Variants in SCAPER observed in about 807,000 individuals in gnomAD.
The protein encoded by SCAPER is S-phase cyclin A associated protein in the ER.
Under a neutral mutation model 182.2 loss-of-function variants are expected in SCAPER, and 98 were observed. The ratio of observed to expected loss-of-function variants is 0.54; its 90% CI spans 0.46 to 0.64. The LOEUF (loss-of-function observed/expected upper bound fraction) is 0.64, where lower values mean the gene tolerates loss of function less well. Ranked by LOEUF, SCAPER falls within the 30% of genes least tolerant of loss-of-function variation. The pLI, the probability that SCAPER is intolerant of heterozygous loss-of-function variation, is 0.00. For missense variants in SCAPER, 1,432 were observed against 1,690.0 expected (o/e 0.85, Z 2.68); for synonymous variants, 605 against 564.6 (o/e 1.07, Z -1.01).
chr15:76,895,332 C>G (rs1389903048), intron 1 of SCAPER, among the ~76,000 whole-genome samples: 2 of 152,048 alleles, frequency 1.3e-5, no homozygotes, highest in Admixed American at 1.3e-4. Context: ...ATTCAACACC[C>G]TTTCAAGATA....
At chr15:76,497,124 T>TTTTTTTTTTTTTTTTTC (rs1555456895) in intron 24 of SCAPER, among the ~76,000 whole-genome samples, 1 of 139,426 alleles carries the variant, frequency 7.2e-6, no homozygotes, top group Non-Finnish European at 1.5e-5. Flanking sequence ...TTTTTTTTTT[T>TTTTTTTTTTTTTTTTTC]CCCAAAACGG....
At chr15:76,544,338 G>T (rs548601344) in intron 23 of SCAPER, among the ~76,000 whole-genome samples, 10 of 152,220 alleles carry the variant, frequency 6.6e-5, no homozygotes, top group African/African-American at 2.4e-4. Context: ...GAAGACATCT[G>T]TTCATATAAA....
intron 23 of SCAPER, among the ~76,000 whole-genome samples, chr15:76,554,184 A>G (rs2046003988): frequency 1.3e-5 from 2 of 152,230 alleles, no homozygotes; most frequent in Admixed American, 1.3e-4. Flanking sequence ...ATTTCATAAG[A>G]CAATCGCCAA....
intron 26 of SCAPER, among the ~76,000 whole-genome samples, chr15:76,411,339 G>A (rs2142217875): frequency 6.6e-6 from 1 of 152,126 alleles, no homozygotes; most frequent in Middle Eastern, 3.4e-3. Context: ...TGATGCTCAA[G>A]AGAAATGCCC....
intron 2 of SCAPER, among the ~76,000 whole-genome samples, chr15:76,876,276 G>T (rs1374925211): frequency 6.6e-6 from 1 of 152,142 alleles, no homozygotes; most frequent in Non-Finnish European, 1.5e-5. Flanking sequence ...TCAGTGGCGG[G>T]CTGAAGGACT....
chr15:76,775,739 T>C lies in SCAPER; in HGVS notation c.773-622A>G, dbSNP rs559481011. On this transcript the variant is annotated intron_variant, in intron 8 of 31. Transcript: ENST00000563290. Reference sequence around the variant, plus strand: ...GATAAAATTATAGGATATTAATTGATAGCACCCAGAGGATCTAGTCTAATA... The same window carrying C: ...GATAAAATTATAGGATATTAATTGACAGCACCCAGAGGATCTAGTCTAATA... 8.6e-4 allele frequency among the ~76,000 whole-genome samples: 131 copies of C among 152,282 alleles called. 1 individual carries two copies. The highest frequency in any genetic ancestry group is 3.4e-3 in the Middle Eastern group (1 of 294).
intron 17 of SCAPER, among the ~76,000 whole-genome samples, chr15:76,708,703 C>T (rs981413801): frequency 6.6e-6 from 1 of 151,936 alleles, no homozygotes; most frequent in Non-Finnish European, 1.5e-5. Flanking sequence ...TTGGAAAGAG[C>T]GACAAAATAC....
At chr15:76,446,145 T>C (rs1432519505) in intron 25 of SCAPER, among the ~76,000 whole-genome samples, 1 of 152,202 alleles carries the variant, frequency 6.6e-6, no homozygotes, top group Non-Finnish European at 1.5e-5. Flanking sequence ...TATTCCTATA[T>C]TCAGACAAGA....
intron 2 of SCAPER, among the ~76,000 whole-genome samples, chr15:76,879,932 T>C (rs931213915): frequency 2.0e-5 from 3 of 152,210 alleles, no homozygotes; most frequent in Admixed American, 2.0e-4. Flanking sequence ...GGACTAGGTT[T>C]TGTTCACTAT....
At chr15:76,639,195 G>A (rs886684228) in intron 21 of SCAPER, among the ~76,000 whole-genome samples, 1 of 152,138 alleles carries the variant, frequency 6.6e-6, no homozygotes, top group African/African-American at 2.4e-5. Flanking sequence ...AATATGGAAG[G>A]ACTGTGTTAG....
intron 15 of SCAPER, among the ~76,000 whole-genome samples, chr15:76,736,340 T>C (rs761244336): frequency 3.9e-5 from 6 of 152,302 alleles, no homozygotes; most frequent in Non-Finnish European, 8.8e-5. Flanking sequence ...TTGCTGAAGG[T>C]TGAAGTGGCT....
intron 14 of SCAPER, among the ~76,000 whole-genome samples, chr15:76,756,036 A>G (rs2062402647): frequency 6.6e-6 from 1 of 152,090 alleles, no homozygotes; most frequent in Non-Finnish European, 1.5e-5. Flanking sequence ...TCAGGTCCGG[A>G]GTTCGAGACC....
chr15:76,488,743 T>TTTTTTTTTG (rs2051947371), intron 24 of SCAPER, among the ~76,000 whole-genome samples: 1 of 82,658 alleles, frequency 1.2e-5, no homozygotes, highest in African/African-American at 4.4e-5. Flanking sequence ...TTTTTTTTTT[T>TTTTTTTTTG]GAGACGGAGT....
intron 27 of SCAPER, among the ~76,000 whole-genome samples, chr15:76,402,914 A>G (rs761552984): frequency 1.1e-4 from 17 of 152,114 alleles, no homozygotes; most frequent in Non-Finnish European, 2.4e-4. Context: ...GGTTTCTTTT[A>G]AATTCCATAG....
chr15:76,884,795 G>C (rs1161206746), intron 1 of SCAPER, among the ~76,000 whole-genome samples: 1 of 152,048 alleles, frequency 6.6e-6, no homozygotes, highest in African/African-American at 2.4e-5. Flanking sequence ...TAAATAAAAT[G>C]TATATTCACA....
At chr15:76,455,663 T>A (rs1274771123) in intron 25 of SCAPER, among the ~76,000 whole-genome samples, 7 of 152,292 alleles carry the variant, frequency 4.6e-5, no homozygotes, top group South Asian at 2.1e-4. Flanking sequence ...TTAATTTTTA[T>A]TTTTTATTTT....
chr15:76,363,916 T>C (rs1285687456), intron 29 of SCAPER, among the ~76,000 whole-genome samples: 4 of 152,170 alleles, frequency 2.6e-5, no homozygotes, highest in African/African-American at 9.7e-5. Context: ...TTACCAAGTT[T>C]GTCACACCTG....
At chr15:76,900,248 C>G (rs1208723878) in intron 1 of SCAPER, among the ~76,000 whole-genome samples, 2 of 150,832 alleles carry the variant, frequency 1.3e-5, no homozygotes, top group Admixed American at 6.6e-5. Flanking sequence ...GACCTTTGTT[C>G]TCGTGTTTAT....
In SCAPER at chr15:76,774,661, A is replaced by G. The variant is rs189263423; in HGVS notation, c.1035+194T>C. On this transcript the variant is annotated intron_variant, in intron 9 of 31. Transcript: ENST00000563290. The stretch of plus-strand genomic sequence containing the variant: ...CAAGAGAAAAGAAAAAATGTGGCAA[A>G]TGTTAATTTGTGAATGTAGGTGAAC... Among the ~76,000 whole-genome samples the G allele has an allele frequency of 4.6e-4, 70 of 152,274 alleles. 2 individuals are homozygous for G. Among genetic ancestry groups the G allele is most frequent in the South Asian group, 4.1e-4 (2 of 4,832 alleles).
Sources: gnomAD v4.1 joint callset for allele counts (sites outside exome capture counted in the v4.1 genomes callset) on GRCh38, gnomAD v4.1.1 for gene constraint, MANE v1.5 for transcripts, NCBI Gene and HGNC (gene_info 2026-07-23, HGNC 2026-07-21) for gene names.